The following SLC35D1 variants were observed in gnomAD, a reference collection of about 807,000 sequenced individuals.
SLC35D1 encodes the protein nucleotide sugar transporter SLC35D1.
A neutral mutation model predicts 46.7 loss-of-function variants in SLC35D1; 31 were observed. The observed-to-expected ratio is 0.66, with a 90% CI of 0.50 to 0.90. The LOEUF is 0.90. Ranked by LOEUF, SLC35D1 falls within the 40% of genes least tolerant of loss-of-function variation. The pLI, the probability that SLC35D1 is intolerant of heterozygous loss-of-function variation, is 0.00. For missense variants in SLC35D1, 397 were observed against 426.2 expected (o/e 0.93, Z 0.60); for synonymous variants, 195 against 164.6 (o/e 1.18, Z -1.41).
At chr1:67,031,803 G>A (rs188550280) in intron 8 of SLC35D1, among the ~76,000 whole-genome samples, 2 of 152,306 alleles carry the variant, frequency 1.3e-5, no homozygotes, top group East Asian at 1.9e-4. Context: ...AATGTAGACA[G>A]AATTTACATA....
At chr1:67,045,619 C>T (rs995229978) in intron 7 of SLC35D1, among the ~76,000 whole-genome samples, 2 of 152,142 alleles carry the variant, frequency 1.3e-5, no homozygotes, top group African/African-American at 4.8e-5. Flanking sequence ...AACTGAAGGG[C>T]TCTCCTAGGA....
At chr1:67,016,914 C>T (rs1415586666) in intron 10 of SLC35D1, among the ~76,000 whole-genome samples, 2 of 152,068 alleles carry the variant, frequency 1.3e-5, no homozygotes, top group Non-Finnish European at 2.9e-5. Flanking sequence ...CTACACAGTT[C>T]CTTTATAAGT....
At position 67,054,090 on chromosome 1, in the gene SLC35D1, CAGG is replaced by C; in HGVS notation, c.-80_-78del. 1 of 1,486,592 alleles carries C rather than the reference CAGG, an allele frequency of 6.7e-7. No individual in the cohort carries two copies. The highest frequency in any genetic ancestry group is 9.2e-7 in the Non-Finnish European group (1 of 1,084,324). The allele number at this position is 1,486,592 out of a possible 1,614,324, so 92.1% of individuals were successfully genotyped here. ...TGCAGCGGCAGCTCCCAGGGGACTC[CAGG>C]AGTTGGGGACCGCAGACTAGGCCAG... On this transcript the variant is annotated 5_prime_UTR_variant, in exon 1 of 12. Coordinates refer to ENST00000235345, the MANE Select transcript of SLC35D1 (RefSeq NM_015139.3).
chr1:67,004,284 G>T lies in SLC35D1; in HGVS notation c.*56C>A. On this transcript the variant is annotated 3_prime_UTR_variant, in exon 12 of 12. Transcript: ENST00000235345. ...CTCAGTGTCTCTGTAGGAACTGCCA[G>T]TGTTCTGAGTTGATTAAAAACTTAG... 1.4e-6 allele frequency: 2 copies of T among 1,415,886 alleles called. No homozygotes were observed. The highest frequency in any genetic ancestry group is 1.0e-6 in the Non-Finnish European group (1 of 1,000,082). 87.7% of individuals were successfully genotyped at this position (1,415,886 alleles called of 1,614,324 possible). A position where few individuals can be genotyped will look rare whatever the true frequency, so the allele number is the denominator to read the frequency against.
chr1:67,012,762 A>G (rs565980360), intron 10 of SLC35D1, among the ~76,000 whole-genome samples: 45 of 152,288 alleles, frequency 3.0e-4, no homozygotes, highest in African/African-American at 9.9e-4. Flanking sequence ...GGGATTCACA[A>G]TAAAGGCTGC....
the SLC35D1 span, among the ~76,000 whole-genome samples, chr1:66,976,282 G>T: frequency 6.6e-6 from 1 of 152,104 alleles, no homozygotes; most frequent in African/African-American, 2.4e-5. Context: ...GATTACAGGC[G>T]TGAGCCACCG....
At chr1:67,016,396 A>G (rs1667687032) in intron 10 of SLC35D1, among the ~76,000 whole-genome samples, 1 of 152,090 alleles carries the variant, frequency 6.6e-6, no homozygotes, top group Non-Finnish European at 1.5e-5. Flanking sequence ...AGACCCTGAT[A>G]AGTAGTTGTA....
chr1:66,981,779 G>A, the SLC35D1 span: 12 of 1,610,030 alleles, frequency 7.5e-6, no homozygotes, highest in Admixed American at 1.7e-5. Context: ...TAATTTTAAG[G>A]GATTACATGG....
chr1:66,984,522 A>G, the SLC35D1 span: 2 of 1,382,628 alleles, frequency 1.4e-6, no homozygotes, highest in African/African-American at 2.9e-5. Flanking sequence ...ATAGTTTGCA[A>G]ATTTAACTTT....
intron 8 of SLC35D1, among the ~76,000 whole-genome samples, chr1:67,026,257 C>A (rs1405516728): frequency 1.3e-5 from 2 of 152,164 alleles, no homozygotes; most frequent in Non-Finnish European, 2.9e-5. Context: ...AGGTTTTCTG[C>A]ATCTATTTAG....
the SLC35D1 span, among the ~76,000 whole-genome samples, chr1:66,977,584 T>C: frequency 1.4e-4 from 22 of 152,336 alleles, no homozygotes; most frequent in Admixed American, 6.5e-4. Flanking sequence ...ATGTCTGATA[T>C]GCCTAATTTA....
chr1:67,044,186 A>G (rs1261119193), intron 7 of SLC35D1, among the ~76,000 whole-genome samples: 1 of 152,074 alleles, frequency 6.6e-6, no homozygotes, highest in Non-Finnish European at 1.5e-5. Context: ...AAATACAAAA[A>G]TTAGCCTGGC....
chr1:67,005,253 G>A (rs532552936), intron 11 of SLC35D1, among the ~76,000 whole-genome samples: 10 of 152,274 alleles, frequency 6.6e-5, no homozygotes, highest in Admixed American at 5.2e-4. Flanking sequence ...TGACCTGGGC[G>A]CCAATTCTTC....
At chr1:66,984,223 A>G in the SLC35D1 span, among the ~76,000 whole-genome samples, 2 of 152,230 alleles carry the variant, frequency 1.3e-5, no homozygotes, top group Non-Finnish European at 2.9e-5. Flanking sequence ...CAGCTTAGTT[A>G]GACTGCTGGA....
At chr1:66,973,057 C>T in the SLC35D1 span, 7 of 840,558 alleles carry the variant, frequency 8.3e-6, no homozygotes, top group African/African-American at 3.4e-5. Flanking sequence ...GGTCATGTAT[C>T]GTAATTTGTT....
downstream of SLC35D1, among the ~76,000 whole-genome samples, chr1:66,997,341 G>A (rs961651914): frequency 2.7e-5 from 4 of 150,882 alleles, no homozygotes; most frequent in African/African-American, 7.3e-5. Flanking sequence ...GCAAAACCCC[G>A]TCTCTACAAA....
chr1:67,022,056 G>A (rs908766496), intron 8 of SLC35D1, among the ~76,000 whole-genome samples: 1 of 152,132 alleles, frequency 6.6e-6, no homozygotes, highest in South Asian at 2.1e-4. Flanking sequence ...TACAGCCTTA[G>A]TTATACAAAT....
At chr1:67,038,220 G>C (rs988757204) in intron 8 of SLC35D1, among the ~76,000 whole-genome samples, 2 of 152,160 alleles carry the variant, frequency 1.3e-5, no homozygotes, top group African/African-American at 2.4e-5. Flanking sequence ...AAATCAATCT[G>C]TGTGGTCCAC....
rs780651771 is a variant in SLC35D1 at position 67,052,846 on chromosome 1, T to C, written c.249A>G (p.Thr83=). The C allele has an allele frequency of 6.2e-7, 1 of 1,614,104 alleles. No individual in the cohort carries two copies. The highest frequency in any genetic ancestry group is 1.1e-5 in the South Asian group (1 of 91,072). Residue 83 remains threonine (T), a synonymous_variant, in exon 3 of 12, where the codon ACA becomes ACG. Coordinates refer to ENST00000235345, the MANE Select transcript of SLC35D1 (RefSeq NM_015139.3). ...CCTTTCCCACCCAGAGAACTGCCAC[T>C]GTGGCCACCATCTGTAAACAAGAGA... ...LCVGLGQMVA[T]VAVLWVGKAL...
Sources: allele counts gnomAD v4.1 joint callset (sites outside exome capture counted in the v4.1 genomes callset), GRCh38; gene constraint gnomAD v4.1.1; transcripts MANE v1.5; gene names NCBI Gene and HGNC (gene_info 2026-07-23, HGNC 2026-07-21).